Variants in RNLS observed in about 807,000 individuals in gnomAD.
RNLS encodes renalase, FAD dependent amine oxidase, also known as renalase.
Under a neutral mutation model 39.8 loss-of-function variants are expected in RNLS, and 39 were observed. The ratio of observed to expected loss-of-function variants is 0.98; its 90% confidence interval spans 0.76 to 1.28. The LOEUF is 1.28. Among genes scored for constraint, RNLS ranks in the 50% most tolerant of loss-of-function variants. The pLI, the probability that RNLS is intolerant of heterozygous loss-of-function variation, is 0.00. For synonymous variants in RNLS, 147 were observed against 150.7 expected, an observed-to-expected ratio of 0.98 and a Z score of 0.18; for missense variants, 410 against 413.3, an observed-to-expected ratio of 0.99 and a Z score of 0.07.
At position 88,362,659 on chromosome 10, in the gene RNLS, AG is replaced by A; in HGVS notation, c.592del (p.Leu198SerfsTer36). 1 of 1,613,980 alleles carries A rather than the reference AG, an allele frequency of 6.2e-7. No individual in the cohort carries two copies. Among genetic ancestry groups the A allele is most frequent in the Non-Finnish European group, 8.5e-7 (1 of 1,179,938 alleles). ...AATCTTCGTACCAGCTTCATAAAAGAGGCCCAGAGCATATCGAGAGGAGTAG... is the reference window on the plus strand; with the variant it reads ...AATCTTCGTACCAGCTTCATAAAAGAGCCCAGAGCATATCGAGAGGAGTAG... ...VSYSSRYALG[L>X]FYEAGTKIDV... is the part of the protein sequence containing the mutation. On this transcript the variant is annotated frameshift_variant, in exon 5 of 7. Coordinates refer to ENST00000331772, the MANE Select transcript of RNLS (RefSeq NM_001031709.3). LOFTEE classifies it high-confidence loss of function.
intron 4 of RNLS, among the ~76,000 whole-genome samples, chr10:88,556,883 T>A (rs1191296937): frequency 6.6e-6 from 1 of 152,160 alleles, no homozygotes; most frequent in Non-Finnish European, 1.5e-5. Context: ...TCATTTCACA[T>A]AGATATTCAC....
chr10:88,345,855 A>G (rs1848264922), intron 5 of RNLS, among the ~76,000 whole-genome samples: 1 of 152,170 alleles, frequency 6.6e-6, no homozygotes, highest in Non-Finnish European at 1.5e-5. Context: ...GCAATATCAT[A>G]TGCTTCAACC....
the RNLS span, among the ~76,000 whole-genome samples, chr10:88,259,746 TG>T: frequency 6.6e-6 from 1 of 152,134 alleles, no homozygotes; most frequent in African/African-American, 2.4e-5. Context: ...AGACTTTTTT[TG>T]TTGTTGTTGT....
intron 3 of RNLS, among the ~76,000 whole-genome samples, chr10:88,580,886 G>A (rs1348814862): frequency 6.6e-6 from 1 of 152,190 alleles, no homozygotes; most frequent in Non-Finnish European, 1.5e-5. Context: ...TTGGTGAGAT[G>A]TTCTTTAAGA....
At chr10:88,417,704 A>G (rs567227172) in intron 4 of RNLS, among the ~76,000 whole-genome samples, 49 of 152,360 alleles carry the variant, frequency 3.2e-4, no homozygotes, top group Admixed American at 1.2e-3. Flanking sequence ...GACTTTAGCC[A>G]TAACTTCCAC....
At chr10:88,487,840 A>T (rs1234906358) in intron 4 of RNLS, among the ~76,000 whole-genome samples, 1 of 152,192 alleles carries the variant, frequency 6.6e-6, no homozygotes, top group Non-Finnish European at 1.5e-5. Flanking sequence ...TCACGAACAG[A>T]TGAATAAATA....
intron 4 of RNLS, among the ~76,000 whole-genome samples, chr10:88,552,452 T>G (rs1848646327): frequency 1.3e-5 from 2 of 152,204 alleles, no homozygotes; most frequent in Non-Finnish European, 1.5e-5. Flanking sequence ...TATAATAAAT[T>G]GGAATGCAAT....
the RNLS span, among the ~76,000 whole-genome samples, chr10:88,252,736 A>C: frequency 6.6e-6 from 1 of 152,204 alleles, no homozygotes; most frequent in Non-Finnish European, 1.5e-5. Context: ...AGCAGGGCTG[A>C]AGCTTATTCA....
chr10:88,352,429 A>G (rs1848787468), intron 5 of RNLS, among the ~76,000 whole-genome samples: 2 of 152,174 alleles, frequency 1.3e-5, no homozygotes, highest in Admixed American at 1.3e-4. Context: ...AATTTTGTCA[A>G]AGGCCTTTTC....
At chr10:88,516,537 C>G (rs960076686) in intron 4 of RNLS, among the ~76,000 whole-genome samples, 1 of 151,898 alleles carries the variant, frequency 6.6e-6, no homozygotes, top group African/African-American at 2.4e-5. Flanking sequence ...ATAAGCCACT[C>G]AAGCTTAAGA....
the RNLS span, among the ~76,000 whole-genome samples, chr10:88,231,648 G>T: frequency 4.6e-5 from 7 of 152,180 alleles, no homozygotes. Flanking sequence ...TTTGGGGACA[G>T]AAGTGTCAGG....
At chr10:88,555,442 A>G (rs1196981435) in intron 4 of RNLS, among the ~76,000 whole-genome samples, 1 of 151,908 alleles carries the variant, frequency 6.6e-6, no homozygotes, top group Non-Finnish European at 1.5e-5. Flanking sequence ...TCCCTATGTA[A>G]TGAGCTCACA....
the RNLS span, among the ~76,000 whole-genome samples, chr10:88,243,605 A>C: frequency 6.6e-6 from 1 of 152,260 alleles, no homozygotes; most frequent in Non-Finnish European, 1.5e-5. Flanking sequence ...ATTCACAAGA[A>C]AAATCCAATT....
chr10:88,451,043 C>G (rs868327854), intron 4 of RNLS, among the ~76,000 whole-genome samples: 6 of 151,970 alleles, frequency 3.9e-5, no homozygotes, highest in Non-Finnish European at 1.5e-5. Flanking sequence ...GTCAGTAGGA[C>G]TAATAGGAAT....
intron 4 of RNLS, among the ~76,000 whole-genome samples, chr10:88,426,454 G>A (rs1411139069): frequency 1.3e-5 from 2 of 151,552 alleles, no homozygotes; most frequent in African/African-American, 2.4e-5. Context: ...TTTTTTTACT[G>A]TTGGGAAAAA....
rs570418373 is a variant in RNLS, at chr10:88,296,812, C to T, written c.877-11306G>A. On this transcript the variant is annotated intron_variant, in intron 6 of 6. Coordinates refer to ENST00000331772, the MANE Select transcript of RNLS (RefSeq NM_001031709.3). ...CCCCCTAAATTTCCCTTATGCCCCA[C>T]TGCAGTTAATCCCTTCCTCTCAATC... 1.1e-4 allele frequency among the ~76,000 whole-genome samples: 16 copies of T among 152,290 alleles called. No homozygotes were observed. The South Asian group carries it at 3.3e-3, about 32-fold the overall frequency.
chr10:88,547,584 C>A (rs182925671), intron 4 of RNLS, among the ~76,000 whole-genome samples: 8 of 152,058 alleles, frequency 5.3e-5, no homozygotes, highest in Non-Finnish European at 7.4e-5. Context: ...AAGGGACAAA[C>A]CTTTTTCTCT....
the RNLS span, among the ~76,000 whole-genome samples, chr10:88,245,458 T>C: frequency 1.2e-4 from 19 of 152,208 alleles, no homozygotes; most frequent in Non-Finnish European, 2.5e-4. Flanking sequence ...GAGGTACAGC[T>C]TGGCTTTATG....
intron 5 of RNLS, among the ~76,000 whole-genome samples, chr10:88,337,453 C>T (rs1456196354): frequency 6.6e-6 from 1 of 152,152 alleles, no homozygotes; most frequent in Non-Finnish European, 1.5e-5. Context: ...CCCTCCTGGC[C>T]ACAGTGACTG....
Sources: gnomAD v4.1 joint callset for allele counts (sites outside exome capture counted in the v4.1 genomes callset) on GRCh38, gnomAD v4.1.1 for gene constraint, MANE v1.5 for transcripts, NCBI Gene and HGNC (gene_info 2026-07-23, HGNC 2026-07-21) for gene names.